Variants in SLC39A10 observed in about 807,000 individuals in gnomAD.
SLC39A10 encodes the protein solute carrier family 39 member 10, also known as zinc transporter ZIP10.
SLC39A10 carries 13 observed loss-of-function variants against 65.1 expected under a neutral mutation model. The ratio of observed to expected loss-of-function variants is 0.20; its 90% confidence interval spans 0.13 to 0.32. The LOEUF (loss-of-function observed/expected upper bound fraction) is 0.32. Ranked by LOEUF, SLC39A10 falls within the 10% of genes least tolerant of loss-of-function variation. The probability of loss-of-function intolerance (pLI) is 1.00; values close to 1 mark genes in which losing one functional copy is unlikely to be tolerated. For missense variants in SLC39A10, 831 were observed against 1,018.4 expected (o/e 0.82, Z 2.50); for synonymous variants, 321 against 342.2 (o/e 0.94, Z 0.68).
At chr2:195,687,954 C>T (rs936468918) in intron 3 of SLC39A10, among the ~76,000 whole-genome samples, 1 of 152,072 alleles carries the variant, frequency 6.6e-6, no homozygotes, top group Non-Finnish European at 1.5e-5. Context: ...TGCTTTGAAC[C>T]AAGTTAATTA....
chr2:195,649,144 A>G (rs1418870741), intron 2 of SLC39A10, among the ~76,000 whole-genome samples: 1 of 152,216 alleles, frequency 6.6e-6, no homozygotes, highest in African/African-American at 2.4e-5. Flanking sequence ...GCTTGAAAAA[A>G]CAAAACAAAA....
intron 1 of SLC39A10, among the ~76,000 whole-genome samples, chr2:195,657,804 G>C (rs1689217007): frequency 6.8e-6 from 1 of 147,654 alleles, no homozygotes; most frequent in Admixed American, 6.6e-5. Context: ...CTTCTCTCTG[G>C]TCTGTAATGG....
In SLC39A10 at chr2:195,657,895, A is replaced by C. The variant is rs528281759; in HGVS notation, c.-12+614A>C. Among the ~76,000 whole-genome samples the C allele has an allele frequency of 8.9e-4, 135 of 152,128 alleles. 1 individual carries two copies. Among genetic ancestry groups the C allele is most frequent in the Non-Finnish European group, 1.4e-3 (95 of 67,978 alleles). ...GGACGGCGGCGCCTCTGCTCCTACTAGTTTTCTCCCGGACCAACCGAAAAG... is the reference window on the plus strand; with the variant it reads ...GGACGGCGGCGCCTCTGCTCCTACTCGTTTTCTCCCGGACCAACCGAAAAG... On this transcript the variant is annotated intron_variant, in intron 1 of 9. Coordinates refer to ENST00000359634, the MANE Select transcript of SLC39A10 (RefSeq NM_020342.3).
At chr2:195,704,904 C>T (rs1031700873) in intron 3 of SLC39A10, among the ~76,000 whole-genome samples, 13 of 152,068 alleles carry the variant, frequency 8.5e-5, no homozygotes, top group Admixed American at 2.6e-4. Flanking sequence ...CTCAAGCGAT[C>T]GTTCCACCTC....
intron 2 of SLC39A10, among the ~76,000 whole-genome samples, chr2:195,621,289 T>C (rs1411054656): frequency 6.6e-6 from 1 of 152,212 alleles, no homozygotes; most frequent in Non-Finnish European, 1.5e-5. Flanking sequence ...AGATATACTA[T>C]GTTTTTCTAA....
intron 2 of SLC39A10, among the ~76,000 whole-genome samples, chr2:195,625,073 C>T (rs1688438667): frequency 7.0e-6 from 1 of 142,158 alleles, no homozygotes; most frequent in Non-Finnish European, 1.5e-5. Context: ...AAAAATTACC[C>T]GGGCGTGGTG....
intron 2 of SLC39A10, among the ~76,000 whole-genome samples, chr2:195,621,877 G>A (rs574921412): frequency 6.6e-5 from 10 of 151,934 alleles, no homozygotes; most frequent in African/African-American, 2.2e-4. Flanking sequence ...AAATTTTCCC[G>A]TTAACTCTTC....
At chr2:195,725,862 A>G (rs1692216459) in intron 8 of SLC39A10, among the ~76,000 whole-genome samples, 2 of 152,204 alleles carry the variant, frequency 1.3e-5, no homozygotes, top group African/African-American at 2.4e-5. Context: ...GAAAGACTAC[A>G]TACTGTGTGC....
intron 9 of SLC39A10, 86 bp from the exon 10 acceptor site, chr2:195,734,797 A>G (rs1692537506): frequency 1.5e-6 from 2 of 1,312,320 alleles, no homozygotes; most frequent in South Asian, 3.0e-5. Context: ...TTCAGTCACT[A>G]ATTTTCTTAA....
chr2:195,622,760 C>T (rs1688376974), intron 2 of SLC39A10, among the ~76,000 whole-genome samples: 1 of 152,072 alleles, frequency 6.6e-6, no homozygotes, highest in East Asian at 1.9e-4. Context: ...ATCACAAGGT[C>T]AGGAGTTAAA....
intron 2 of SLC39A10, among the ~76,000 whole-genome samples, chr2:195,649,078 C>A (rs1451802626): frequency 1.3e-5 from 2 of 152,046 alleles, no homozygotes; most frequent in South Asian, 4.1e-4. Flanking sequence ...CGGGCACTGC[C>A]AGAAGCATTT....
At chr2:195,615,484 T>A (rs1688186566) in intron 2 of SLC39A10, among the ~76,000 whole-genome samples, 1 of 152,178 alleles carries the variant, frequency 6.6e-6, no homozygotes, top group African/African-American at 2.4e-5. Flanking sequence ...TTTTTAAAAA[T>A]ATACAGGTGT....
At chr2:195,645,191 G>A (rs781518143) in intron 2 of SLC39A10, among the ~76,000 whole-genome samples, 32 of 151,800 alleles carry the variant, frequency 2.1e-4, no homozygotes, top group Middle Eastern at 6.8e-3. Flanking sequence ...TTATAGGCAT[G>A]AGCCACCGCG....
intron 2 of SLC39A10, among the ~76,000 whole-genome samples, chr2:195,615,979 A>T (rs1688198691): frequency 6.6e-6 from 1 of 152,146 alleles, no homozygotes; most frequent in East Asian, 1.9e-4. Context: ...TATGTTTCCT[A>T]GCAGTTTCCC....
intron 2 of SLC39A10, among the ~76,000 whole-genome samples, chr2:195,613,308 G>A (rs538063454): frequency 6.6e-6 from 1 of 151,212 alleles, no homozygotes; most frequent in Non-Finnish European, 1.5e-5. Flanking sequence ...TTTTTCCTTT[G>A]TCATGTCTGT....
chr2:195,641,849 A>G (rs1688817495), intron 2 of SLC39A10, among the ~76,000 whole-genome samples: 1 of 151,892 alleles, frequency 6.6e-6, no homozygotes, highest in East Asian at 1.9e-4. Context: ...GCACCACCAC[A>G]CCTGGCTAAT....
At chr2:195,638,145 T>G (rs1409123828) in intron 2 of SLC39A10, among the ~76,000 whole-genome samples, 1 of 152,150 alleles carries the variant, frequency 6.6e-6, no homozygotes, top group Non-Finnish European at 1.5e-5. Context: ...TTTATTTATT[T>G]ATTTTATCTA....
intron 3 of SLC39A10, among the ~76,000 whole-genome samples, chr2:195,699,023 G>C (rs554991832): frequency 6.6e-6 from 1 of 151,904 alleles, no homozygotes; most frequent in African/African-American, 2.4e-5. Context: ...ATTTAGTCTT[G>C]GTAGGTTTTG....
chr2:195,689,752 C>T (rs10188652), intron 3 of SLC39A10, among the ~76,000 whole-genome samples: 17 of 152,170 alleles, frequency 1.1e-4, no homozygotes, highest in Non-Finnish European at 2.1e-4. Flanking sequence ...ACCTATCAAT[C>T]TACTGTCTTT....
Sources: gnomAD v4.1 joint callset for allele counts (sites outside exome capture counted in the v4.1 genomes callset) on GRCh38, gnomAD v4.1.1 for gene constraint, MANE v1.5 for transcripts, NCBI Gene and HGNC (gene_info 2026-07-23, HGNC 2026-07-21) for gene names.